PLEKHG5: variants seen among roughly 807,000 people sequenced by gnomAD.
PLEKHG5 encodes the protein pleckstrin homology domain-containing family G member 5.
Under a neutral mutation model 103.8 loss-of-function variants are expected in PLEKHG5, and 52 were observed. That is an observed-to-expected ratio of 0.50 (90% CI 0.40 to 0.63). PLEKHG5 has a LOEUF of 0.63. Among genes scored for constraint, PLEKHG5 ranks in the 30% least tolerant of loss-of-function variants. PLEKHG5 has a pLI of 0.00. For synonymous variants in PLEKHG5, 592 were observed against 575.5 expected (o/e 1.03, Z -0.41); for missense variants, 1,205 against 1,347.6 (o/e 0.89, Z 1.66).
chr1:6,518,327 G>A (rs1225356943), intron 1 of PLEKHG5, among the ~76,000 whole-genome samples: 2 of 151,382 alleles, frequency 1.3e-5, no homozygotes, highest in Admixed American at 1.3e-4. Context: ...TTGGGAGGCC[G>A]AGGCAGGCAG....
upstream of PLEKHG5, chr1:6,497,424 C>T (rs2148628358): frequency 1.1e-6 from 1 of 893,168 alleles, no homozygotes; most frequent in African/African-American, 1.8e-5. The surrounding 1 kb of genome is among the most constrained non-coding windows in gnomAD (Gnocchi z 6.1). Context: ...GACCCTCGCA[C>T]GGGAGGCGGG....
chr1:6,493,497 T>G (rs1645180416), upstream of PLEKHG5, among the ~76,000 whole-genome samples: 2 of 152,214 alleles, frequency 1.3e-5, no homozygotes, highest in South Asian at 4.1e-4. Context: ...GGCAAGTTCC[T>G]CTACCTCTCT....
chr1:6,488,285 G>A (rs1645078126), intron 1 of PLEKHG5, among the ~76,000 whole-genome samples: 1 of 152,224 alleles, frequency 6.6e-6, no homozygotes, highest in Non-Finnish European at 1.5e-5. Flanking sequence ...AGAAACTAAG[G>A]CCTGTGTCAA....
chr1:6,517,041 A>G (rs1638645464), intron 1 of PLEKHG5, among the ~76,000 whole-genome samples: 1 of 150,578 alleles, frequency 6.6e-6, no homozygotes, highest in Admixed American at 6.6e-5. Context: ...TGAGGTCAGG[A>G]GTTTGAGACC....
In PLEKHG5 at chr1:6,470,135, G is replaced by A. The variant is rs548502311; in HGVS notation, c.1800+101C>T. 57 of 1,314,470 alleles carry A rather than the reference G, an allele frequency of 4.3e-5. No individual in the cohort carries two copies. In the African/African-American group the frequency reaches 6.0e-4, roughly 14 times the overall value. The allele number at this position is 1,314,470 out of a possible 1,614,324, so 81.4% of individuals were successfully genotyped here. The stretch of plus-strand genomic sequence containing the variant: ...CACTATGACAAGGTCACTGGTTCTT[G>A]AGTAACCACCGAAGGGACTGCAGAG... On this transcript the variant is annotated intron_variant, in intron 16 of 20. Transcript: ENST00000377728.
chr1:6,468,240 G>A lies in PLEKHG5; in HGVS notation c.2596C>T (p.Leu866=). The change falls in exon 20 of 21, where the codon CTG becomes TTG. Residue 866 remains leucine (L), a synonymous_variant. Transcript: ENST00000377728. ...AGCAGGTGGGGCGGGCAGCTCAACA[G>A]CTGGACAGGGGTGCGGCGGCGGAGA... ...PRLRRRTPVQ[L]LSCPPHLLKS... 6.3e-7 allele frequency: 1 copy of A among 1,597,972 alleles called. No homozygotes were observed. Among genetic ancestry groups the A allele is most frequent in the East Asian group, 2.2e-5 (1 of 44,596 alleles).
chr1:6,477,664 G>T lies in PLEKHG5; in HGVS notation c.-87-6C>A, dbSNP rs1428105295. On this transcript the variant is annotated splice_region_variant and splice_polypyrimidine_tract_variant and intron_variant, in intron 1 of 20. Transcript: ENST00000377728. ...CAGTCGGCGTGGTGACATACCTGGG[G>T]TGGGGACAGAAGCCTTCAGGAGGTC... 7.5e-6 allele frequency: 12 copies of T among 1,601,118 alleles called. No homozygotes were observed. Among genetic ancestry groups the T allele is most frequent in the Admixed American group, 1.7e-5 (1 of 59,968 alleles).
intron 1 of PLEKHG5, among the ~76,000 whole-genome samples, chr1:6,510,667 C>T (rs1169446444): frequency 6.6e-6 from 1 of 152,206 alleles, no homozygotes; most frequent in African/African-American, 2.4e-5. Context: ...TGATAGTGAC[C>T]CTGGGGGCGG....
chr1:6,473,095 AGCC>A lies in PLEKHG5; in HGVS notation c.872_874del (p.Gly291_Leu292delinsVal). The A allele has an allele frequency of 6.2e-7, 1 of 1,613,896 alleles. No homozygotes were observed. Among genetic ancestry groups the A allele is most frequent in the Non-Finnish European group, 8.5e-7 (1 of 1,179,862 alleles). ...CTCCCAGGAGTCATGGTCGAAGCGC[AGCC>A]CCCGGGGCAGCCTGGGCAGCCCGAA... is the stretch of plus-strand genomic sequence containing the variant. On this transcript the variant is annotated inframe_deletion, in exon 9 of 21. Transcript: ENST00000377728.
intron 5 of PLEKHG5, 81 bp from the exon 6 acceptor site, chr1:6,474,668 G>GC: frequency 1.1e-6 from 1 of 900,286 alleles, no homozygotes; most frequent in Non-Finnish European, 1.4e-6. Context: ...ACGAGCCCCC[G>GC]CCCCACCCAC....
In PLEKHG5 at chr1:6,482,244, C is replaced by T. The variant is rs368413620; in HGVS notation, c.-87-4586G>A. Reference sequence around the variant, plus strand: ...GCACCTGACAGGTCACATATTCCACCCTGCTGCCTCCACACCTGGTCACAT... The same window carrying T: ...GCACCTGACAGGTCACATATTCCACTCTGCTGCCTCCACACCTGGTCACAT... On this transcript the variant is annotated intron_variant, in intron 1 of 20. Transcript: ENST00000377728. Among the ~76,000 whole-genome samples the T allele has an allele frequency of 5.1e-4, 77 of 152,314 alleles. No homozygotes were observed. The Middle Eastern group carries it at 0.014, about 27-fold the overall frequency.
chr1:6,517,913 A>T (rs1638667232), intron 1 of PLEKHG5, among the ~76,000 whole-genome samples: 1 of 152,100 alleles, frequency 6.6e-6, no homozygotes, highest in Non-Finnish European at 1.5e-5. Context: ...GACTCCCAAA[A>T]TGCGTCATGG....
chr1:6,513,502 A>T (rs1286353994), intron 1 of PLEKHG5, among the ~76,000 whole-genome samples: 1 of 152,230 alleles, frequency 6.6e-6, no homozygotes, highest in East Asian at 1.9e-4. Context: ...AGAGGCGGAA[A>T]TGAAGGCTGT....
In PLEKHG5 at chr1:6,467,487, C is replaced by G. The variant is rs974747891; in HGVS notation, c.*76G>C. The G allele has an allele frequency of 4.4e-6, 6 of 1,377,034 alleles. No individual in the cohort carries two copies. In the African/African-American group the frequency reaches 7.1e-5, roughly 16 times the overall value. The allele number at this position is 1,377,034 out of a possible 1,614,324, so 85.3% of individuals were successfully genotyped here. On this transcript the variant is annotated 3_prime_UTR_variant, in exon 21 of 21. Coordinates refer to ENST00000377728, the MANE Select transcript of PLEKHG5 (RefSeq NM_020631.6). ...TGCATACAGGAGGCAGTAGCTGAAG[C>G]AGGTGCCGGCACGCCCCAGGAGGCA...
chr1:6,475,823 T>A, intron 3 of PLEKHG5, 108 bp downstream of exon 3: 3 of 976,166 alleles, frequency 3.1e-6, no homozygotes, highest in Non-Finnish European at 4.9e-6. Flanking sequence ...GGTCTGCCCA[T>A]CAGCCTTACT....
In PLEKHG5 at chr1:6,473,308, C is replaced by A. The variant is rs773513292; in HGVS notation, c.738G>T (p.Ala246=). Residue 246 remains alanine, a synonymous_variant, in exon 8 of 21, where the codon GCG becomes GCT. Transcript: ENST00000377728. ...TGAAAAAGCCGCTGAAGCGACTGGC[C>A]GCCCGGTTCTTCCAGCTGTCGCCAG... The part of the protein sequence containing the change: ...TNTGDSWKNR[A]ASRFSGFFSS... 1 of 1,578,840 alleles carries A rather than the reference C, an allele frequency of 6.3e-7. No individual in the cohort carries two copies. Among genetic ancestry groups the A allele is most frequent in the Non-Finnish European group, 8.6e-7 (1 of 1,163,208 alleles).
chr1:6,506,563 G>A (rs764807144), intron 1 of PLEKHG5, among the ~76,000 whole-genome samples: 8 of 152,284 alleles, frequency 5.3e-5, no homozygotes, highest in East Asian at 3.9e-4. Context: ...GAGCAATTCC[G>A]GCTCCCCACC....
upstream of PLEKHG5, chr1:6,491,728 C>T: frequency 6.1e-6 from 6 of 982,692 alleles, no homozygotes; most frequent in Non-Finnish European, 7.3e-6. This position sits in a 1 kb window ranked among gnomAD's most constrained non-coding sequence, Gnocchi z 4.1. Context: ...CACACGCATA[C>T]CCTGACTCAT....
intron 16 of PLEKHG5, 134 bp downstream of exon 16, chr1:6,470,102 C>T: frequency 1.0e-6 from 1 of 1,003,776 alleles, no homozygotes. Flanking sequence ...AGGCAGAGAA[C>T]TGTCATTCAC....
Sources: gnomAD v4.1 joint callset for allele counts (sites outside exome capture counted in the v4.1 genomes callset) on GRCh38, gnomAD v4.1.1 for gene constraint, Gnocchi (gnomAD v3.1) non-coding constraint, MANE v1.5 for transcripts, NCBI Gene and HGNC (gene_info 2026-07-23, HGNC 2026-07-21) for gene names.